Variants in PDE8B observed in about 807,000 individuals in gnomAD.
PDE8B encodes the protein high affinity cAMP-specific and IBMX-insensitive 3',5'-cyclic phosphodiesterase 8B.
In PDE8B, 26 loss-of-function variants were observed where a neutral mutation model predicts 101.3. The observed-to-expected ratio is 0.26, with a 90% CI of 0.19 to 0.36. The LOEUF is 0.36. Among genes scored for constraint, PDE8B ranks in the 10% least tolerant of loss-of-function variants. PDE8B has a pLI of 1.00. For synonymous variants in PDE8B, 424 were observed against 429.3 expected (o/e 0.99, Z 0.15); for missense variants, 810 against 1,163.1 (o/e 0.70, Z 4.42).
chr5:77,121,908 T>C, the PDE8B span, among the ~76,000 whole-genome samples: 3 of 152,216 alleles, frequency 2.0e-5, no homozygotes, highest in Admixed American at 6.5e-5. Flanking sequence ...CTTAGGACTT[T>C]TGTGCTCTGC....
intron 1 of PDE8B, among the ~76,000 whole-genome samples, chr5:77,253,734 G>A (rs1026631510): frequency 6.6e-6 from 1 of 152,100 alleles, no homozygotes. Context: ...GGCTCTTGAT[G>A]TGAGACTTGA....
the PDE8B span, among the ~76,000 whole-genome samples, chr5:77,203,666 C>T: frequency 2.0e-5 from 3 of 152,178 alleles, no homozygotes; most frequent in Non-Finnish European, 2.9e-5. Flanking sequence ...CCTATATAAC[C>T]TTCATCACTA....
the PDE8B span, among the ~76,000 whole-genome samples, chr5:77,137,424 G>A: frequency 3.3e-5 from 5 of 152,278 alleles, no homozygotes; most frequent in South Asian, 6.2e-4. Context: ...AACTGCAAGT[G>A]GGTTGAGGTG....
In PDE8B at chr5:77,413,101, T is replaced by C; in HGVS notation, c.1713-10T>C. ...TACAATGAGCCAGGGTGGGTTTTCC[T>C]ATTTTTCAGGCCATTGGTTTATCTG... is the stretch of plus-strand genomic sequence containing the variant. On this transcript the variant is annotated splice_polypyrimidine_tract_variant and intron_variant, in intron 16 of 21. Coordinates refer to ENST00000264917, the MANE Select transcript of PDE8B (RefSeq NM_003719.5). The C allele has an allele frequency of 1.2e-6, 2 of 1,613,184 alleles. No homozygotes were observed. Among genetic ancestry groups the C allele is most frequent in the Non-Finnish European group, 1.7e-6 (2 of 1,179,218 alleles).
intron 18 of PDE8B, among the ~76,000 whole-genome samples, chr5:77,418,980 G>A (rs1796110695): frequency 6.6e-6 from 1 of 152,168 alleles, no homozygotes; most frequent in Non-Finnish European, 1.5e-5. Flanking sequence ...AGCCAGGCTG[G>A]TGCACAGATG....
At position 77,348,311 on chromosome 5, in the gene PDE8B, T is replaced by A. The variant is rs942259787; in HGVS notation, c.877-1108T>A. 9.2e-5 allele frequency among the ~76,000 whole-genome samples: 14 copies of A among 152,236 alleles called. No homozygotes were observed. The East Asian group carries it at 2.5e-3, about 27-fold the overall frequency. On this transcript the variant is annotated intron_variant, in intron 7 of 21. Transcript: ENST00000264917. Reference sequence around the variant, plus strand: ...TTTTCCCGACATTCTTCACCGCTTGTCTCTCTCCACTCAGCCCCCATCTGT... The same window carrying A: ...TTTTCCCGACATTCTTCACCGCTTGACTCTCTCCACTCAGCCCCCATCTGT...
chr5:77,115,432 A>C, the PDE8B span: 1 of 152,214 alleles, frequency 6.6e-6, no homozygotes, highest in Non-Finnish European at 1.5e-5. Flanking sequence ...CTGATGGAGA[A>C]TAGAAAGGAA....
the PDE8B span, among the ~76,000 whole-genome samples, chr5:77,153,572 C>CTTT: frequency 1.2e-4 from 16 of 131,462 alleles, no homozygotes; most frequent in African/African-American, 2.6e-4. Context: ...CAGCTTTACT[C>CTTT]TTTTTTTTTT....
the PDE8B span, among the ~76,000 whole-genome samples, chr5:77,160,864 G>C: frequency 6.6e-6 from 1 of 151,536 alleles, no homozygotes; most frequent in African/African-American, 2.4e-5. Context: ...TGTTGCCCAG[G>C]CTGGTCTCAA....
the PDE8B span, among the ~76,000 whole-genome samples, chr5:77,120,212 G>T: frequency 6.6e-6 from 1 of 152,148 alleles, no homozygotes; most frequent in Non-Finnish European, 1.5e-5. Flanking sequence ...TCTAGAATAG[G>T]CAGAACTAAT....
intron 1 of PDE8B, among the ~76,000 whole-genome samples, chr5:77,306,707 A>G (rs1300723231): frequency 6.6e-6 from 1 of 152,194 alleles, no homozygotes; most frequent in Non-Finnish European, 1.5e-5. Flanking sequence ...AACTATTAAG[A>G]GCTGCAGCAA....
the PDE8B span, among the ~76,000 whole-genome samples, chr5:77,130,154 G>A: frequency 6.6e-6 from 1 of 152,094 alleles, no homozygotes; most frequent in African/African-American, 2.4e-5. Context: ...GCGGGGGTGA[G>A]GGAGGGGAAC....
At chr5:77,201,616 T>C in the PDE8B span, among the ~76,000 whole-genome samples, 3 of 152,186 alleles carry the variant, frequency 2.0e-5, no homozygotes, top group Admixed American at 6.5e-5. Context: ...CAATCTCATT[T>C]GCATTTTGTC....
chr5:77,229,978 A>G (rs1350570719), intron 1 of PDE8B, among the ~76,000 whole-genome samples: 1 of 152,142 alleles, frequency 6.6e-6, no homozygotes, highest in Non-Finnish European at 1.5e-5. Flanking sequence ...GCTGCATTGT[A>G]TGGTAACTAT....
chr5:77,328,889 T>G, intron 3 of PDE8B, 109 bp from the exon 4 acceptor site: 1 of 846,314 alleles, frequency 1.2e-6, no homozygotes, highest in Non-Finnish European at 2.0e-6. Flanking sequence ...GACGTTTTCT[T>G]TAGAGAAAGA....
intron 1 of PDE8B, among the ~76,000 whole-genome samples, chr5:77,271,941 C>T (rs987764207): frequency 6.6e-6 from 1 of 152,198 alleles, no homozygotes. Context: ...AGTCTTACTT[C>T]TCAAAGTGTG....
At chr5:77,165,311 G>A in the PDE8B span, 2 of 152,164 alleles carry the variant, frequency 1.3e-5, no homozygotes, top group African/African-American at 4.8e-5. Context: ...TTTTAAAAAT[G>A]ACAGTGTCTA....
chr5:77,225,285 A>G (rs1752085623), intron 1 of PDE8B, among the ~76,000 whole-genome samples: 2 of 152,224 alleles, frequency 1.3e-5, no homozygotes, highest in Admixed American at 6.5e-5. Context: ...CATCCTCCAA[A>G]GGTAACCAGT....
chr5:77,291,197 A>C, intron 1 of PDE8B: 1 of 1,610,676 alleles, frequency 6.2e-7, no homozygotes, highest in East Asian at 2.2e-5. Flanking sequence ...GACTGTTTGT[A>C]CATGAAAGCA....
Sources: gnomAD v4.1 joint callset for allele counts (sites outside exome capture counted in the v4.1 genomes callset) on GRCh38, gnomAD v4.1.1 for gene constraint, MANE v1.5 for transcripts, NCBI Gene and HGNC (gene_info 2026-07-23, HGNC 2026-07-21) for gene names.